HYLS1: variants seen among roughly 807,000 people sequenced by gnomAD.
HYLS1 encodes the protein centriolar and ciliogenesis-associated protein HYLS1.
HYLS1 carries 25 observed loss-of-function variants against 29.4 expected under a neutral mutation model. The observed-to-expected ratio is 0.85, with a 90% confidence interval of 0.62 to 1.19. The LOEUF (loss-of-function observed/expected upper bound fraction) is 1.19, where lower values mean the gene tolerates loss of function less well. Ranked by LOEUF, HYLS1 falls within the 50% of genes most tolerant of loss-of-function variation. The pLI is 0.00. For missense variants in HYLS1, 352 were observed against 365.1 expected, an observed-to-expected ratio of 0.96 and a Z score of 0.29; for synonymous variants, 128 against 126.7, an observed-to-expected ratio of 1.01 and a Z score of -0.07.
At chr11:125,890,236 C>A (rs556935366) in intron 1 of HYLS1, among the ~76,000 whole-genome samples, 1 of 50,572 alleles carries the variant, frequency 2.0e-5, no homozygotes, top group East Asian at 8.7e-4. Context: ...TGAGCCACTG[C>A]GCCCAGCTGT....
At chr11:125,888,217 C>G (rs1341547823) in intron 1 of HYLS1, 2 of 152,266 alleles carry the variant, frequency 1.3e-5, no homozygotes, top group Non-Finnish European at 2.9e-5. Flanking sequence ...TTGTCGCCTT[C>G]TAGCTGCACC....
intron 1 of HYLS1, chr11:125,888,311 C>G (rs1482761068): frequency 6.6e-6 from 1 of 152,258 alleles, no homozygotes; most frequent in East Asian, 1.9e-4. Context: ...AAACAGTATA[C>G]AATCTCACTA....
intron 1 of HYLS1, chr11:125,888,244 A>G (rs935362594): frequency 6.6e-6 from 1 of 152,296 alleles, no homozygotes; most frequent in South Asian, 2.1e-4. Context: ...GGACTGCAGC[A>G]TGGAACCGTC....
chr11:125,896,316 A>G lies in HYLS1; in HGVS notation c.-25-3028A>G, dbSNP rs368292519. 9.6e-6 allele frequency: 15 copies of G among 1,560,838 alleles called. No individual in the cohort carries two copies. The African/African-American group carries it at 1.8e-4, about 18-fold the overall frequency. ...ACAACCCCAGGAATAAACGAACCATACAGGTCTGCCCTGTCTGAAAAGAGA... is the reference window on the plus strand; with the variant it reads ...ACAACCCCAGGAATAAACGAACCATGCAGGTCTGCCCTGTCTGAAAAGAGA... On this transcript the variant is annotated intron_variant, in intron 2 of 2. Coordinates refer to ENST00000425380, the MANE Select transcript of HYLS1 (RefSeq NM_001134793.2).
Position 125,895,576 on chromosome 11 carries a change from A to C in HYLS1, c.-25-3768A>C. On this transcript the variant is annotated intron_variant, in intron 2 of 2. Coordinates refer to ENST00000425380, the MANE Select transcript of HYLS1 (RefSeq NM_001134793.2). ...ATATCTAAATCAGCACGAGGGAAAA[A>C]ATAGCGGTAAGTCCGCTCAAGGCAG... 20 of 1,614,248 alleles carry C rather than the reference A, an allele frequency of 1.2e-5. No homozygotes were observed. The highest frequency in any genetic ancestry group is 3.3e-4 in the Middle Eastern group (2 of 6,062).
intron 2 of HYLS1, chr11:125,895,354 G>A: frequency 6.2e-7 from 1 of 1,614,140 alleles, no homozygotes. Flanking sequence ...AGGAATGCCT[G>A]GCCAGTCACT....
rs920713675 is a variant in HYLS1 at position 125,899,762 on chromosome 11, A to G, written c.394A>G (p.Arg132Gly). 1.9e-6 allele frequency: 3 copies of G among 1,614,134 alleles called. No homozygotes were observed. The African/African-American group carries it at 4.0e-5, about 22-fold the overall frequency. ...TENDQDLWDL[R>G]QRLMNVQFQE... ...AAATGATCAGGATCTCTGGGACTTA[A>G]GACAAAGGCTGATGAATGTACAGTT... is the stretch of plus-strand genomic sequence containing the variant. The change falls in exon 3 of 3, where the codon AGA becomes GGA. Residue 132 changes from arginine (R) to glycine (G), a missense_variant. Arg to Gly is a moderately radical substitution (Grantham distance 125, BLOSUM62 -2). Coordinates refer to ENST00000425380, the MANE Select transcript of HYLS1 (RefSeq NM_001134793.2).
intron 2 of HYLS1, chr11:125,893,590 A>G: frequency 2.1e-6 from 1 of 473,278 alleles, no homozygotes; most frequent in East Asian, 3.4e-5. Context: ...ATCCTTTTGG[A>G]CCGGGATAAG....
chr11:125,892,189 CT>C (rs1944428250), intron 2 of HYLS1, among the ~76,000 whole-genome samples: 1 of 152,102 alleles, frequency 6.6e-6, no homozygotes, highest in Non-Finnish European at 1.5e-5. Flanking sequence ...AATTTAGTGA[CT>C]ACATAAGTCA....
chr11:125,899,859 C>T lies in HYLS1; in HGVS notation c.491C>T (p.Ser164Phe). Reference protein sequence around the residue: ...FNLPHEYQGISQDQLICSLQR... With the variant: ...FNLPHEYQGIFQDQLICSLQR... ...CTACCACATGAATACCAAGGAATTTCTCAAGATCAGCTCATTTGCTCTCTA... is the reference window on the plus strand; with the variant it reads ...CTACCACATGAATACCAAGGAATTTTTCAAGATCAGCTCATTTGCTCTCTA... Residue 164 changes from serine to phenylalanine, a missense_variant, in exon 3 of 3, where the codon TCT becomes TTT. Ser to Phe is a radical substitution (Grantham distance 155, BLOSUM62 -2). Transcript: ENST00000425380. 2 of 1,614,228 alleles carry T rather than the reference C, an allele frequency of 1.2e-6. No individual in the cohort carries two copies. The highest frequency in any genetic ancestry group is 2.2e-5 in the East Asian group (1 of 44,888).
Position 125,900,380 on chromosome 11 carries a change from G to T in HYLS1, c.*112G>T. The T allele has an allele frequency of 1.0e-6, 1 of 982,778 alleles. No individual in the cohort carries two copies. The highest frequency in any genetic ancestry group is 2.5e-5 in the East Asian group (1 of 39,602). The allele number at this position is 982,778 out of a possible 1,614,324, so 60.9% of individuals were successfully genotyped here. A position where few individuals can be genotyped will look rare whatever the true frequency, so the allele number is the denominator to read the frequency against. ...AGCTCTTCGAAACATTTTATGGTAA[G>T]GACTTCACCTATCATTGGTCTTTCC... On this transcript the variant is annotated 3_prime_UTR_variant, in exon 3 of 3. Coordinates refer to ENST00000425380, the MANE Select transcript of HYLS1 (RefSeq NM_001134793.2).
chr11:125,900,330 T>C lies in HYLS1; in HGVS notation c.*62T>C. 1 of 1,502,098 alleles carries C rather than the reference T, an allele frequency of 6.7e-7. No individual in the cohort carries two copies. The highest frequency in any genetic ancestry group is 9.3e-7 in the Non-Finnish European group (1 of 1,080,742). 93.0% of individuals were successfully genotyped at this position (1,502,098 alleles called of 1,614,324 possible). On this transcript the variant is annotated 3_prime_UTR_variant, in exon 3 of 3. Transcript: ENST00000425380. ...AACCTAGCTCTTTATATCTTCCCTT[T>C]TAAATAGAAACAACTGTCTTGAGAA...
rs1319742909 is a variant in HYLS1, at chr11:125,899,955, T to G, written c.587T>G (p.Ile196Ser). 1 of 1,614,106 alleles carries G rather than the reference T, an allele frequency of 6.2e-7. No individual in the cohort carries two copies. The highest frequency in any genetic ancestry group is 1.3e-5 in the African/African-American group (1 of 74,944). ...GTTGCCAGCAGACCCAAGTCCTTTA[T>G]TCTCCCAAAGCTGGACCAGTTAAGC... Reference protein sequence around the residue: ...LIVASRPKSFILPKLDQLSRN... With the variant: ...LIVASRPKSFSLPKLDQLSRN... The change falls in exon 3 of 3, where the codon ATT becomes AGT. Residue 196 changes from isoleucine (I) to serine (S), a missense_variant. Coordinates refer to ENST00000425380, the MANE Select transcript of HYLS1 (RefSeq NM_001134793.2).
Position 125,899,649 on chromosome 11 carries a change from T to C in HYLS1, c.281T>C (p.Met94Thr), listed in dbSNP as rs1360977620. Residue 94 changes from methionine (M) to threonine (T), a missense_variant, in exon 3 of 3, where the codon ATG becomes ACG. Transcript: ENST00000425380. ...TCCCAAAGACTCCGAAAGCCAGTGA[T>C]GAAGAGAAAGGTGCTGCGCAGAAAG... Reference protein sequence around the residue: ...EASQRLRKPVMKRKVLRRKPD... With the variant: ...EASQRLRKPVTKRKVLRRKPD... 1 of 1,614,152 alleles carries C rather than the reference T, an allele frequency of 6.2e-7. No homozygotes were observed. The highest frequency in any genetic ancestry group is 8.5e-7 in the Non-Finnish European group (1 of 1,180,018).
At chr11:125,891,882 A>G (rs1266898712) in intron 2 of HYLS1, among the ~76,000 whole-genome samples, 2 of 152,260 alleles carry the variant, frequency 1.3e-5, no homozygotes, top group South Asian at 4.1e-4. Context: ...AGTGAAGTCT[A>G]TTTCTGTGGT....
intron 1 of HYLS1, among the ~76,000 whole-genome samples, chr11:125,890,914 T>C (rs981525151): frequency 1.3e-5 from 2 of 151,518 alleles, no homozygotes; most frequent in Non-Finnish European, 2.9e-5. Flanking sequence ...AATCACTGTA[T>C]AGTAGGACAC....
chr11:125,893,895 C>T (rs1944489025), intron 2 of HYLS1: 2 of 1,614,010 alleles, frequency 1.2e-6, no homozygotes, highest in African/African-American at 1.3e-5. Context: ...GCTTTTGTTT[C>T]TTCCTCATGG....
At position 125,899,554 on chromosome 11, in the gene HYLS1, T is replaced by A; in HGVS notation, c.186T>A (p.Pro62=). 6.2e-7 allele frequency: 1 copy of A among 1,614,150 alleles called. No individual in the cohort carries two copies. Among genetic ancestry groups the A allele is most frequent in the South Asian group, 1.1e-5 (1 of 91,084 alleles). Residue 62 remains proline (P), a synonymous_variant, in exon 3 of 3, where the codon CCT becomes CCA. Coordinates refer to ENST00000425380, the MANE Select transcript of HYLS1 (RefSeq NM_001134793.2). ...SKASVAPGKR[P]ALPVQLQYPH... is the part of the protein sequence containing the mutation. Reference sequence around the variant, plus strand: ...CTTCAGTAGCCCCAGGGAAGCGACCTGCTCTTCCTGTGCAACTACAGTACC... The same window carrying A: ...CTTCAGTAGCCCCAGGGAAGCGACCAGCTCTTCCTGTGCAACTACAGTACC...
In HYLS1 at chr11:125,900,154, C is replaced by T. The variant is rs748017750; in HGVS notation, c.786C>T (p.Asn262=). ...QSKPQHIYVP[N]NYLVPTEKKR... is the part of the protein sequence containing the mutation. ...AACCTCAGCATATATATGTCCCAAA[C>T]AATTATCTAGTACCAACAGAGAAGA... Residue 262 remains asparagine (N), a synonymous_variant, in exon 3 of 3, where the codon AAC becomes AAT. Transcript: ENST00000425380. 3 of 1,614,162 alleles carry T rather than the reference C, an allele frequency of 1.9e-6. No individual in the cohort carries two copies. Among genetic ancestry groups the T allele is most frequent in the South Asian group, 2.2e-5 (2 of 91,076 alleles).
Sources: allele counts gnomAD v4.1 joint callset (sites outside exome capture counted in the v4.1 genomes callset), GRCh38; gene constraint gnomAD v4.1.1; transcripts MANE v1.5; gene names NCBI Gene and HGNC (gene_info 2026-07-23, HGNC 2026-07-21).